The following CHEK1 variants were observed in gnomAD, a reference collection of about 807,000 sequenced individuals.
CHEK1 encodes the protein checkpoint kinase 1.
In CHEK1, 32 loss-of-function variants were observed where a neutral mutation model predicts 60.2. The ratio of observed to expected loss-of-function variants is 0.53; its 90% CI spans 0.40 to 0.71. CHEK1 has a LOEUF of 0.71. Ranked by LOEUF, CHEK1 falls within the 30% of genes least tolerant of loss-of-function variation. CHEK1 has a pLI of 0.00. For missense variants in CHEK1, 399 were observed against 564.6 expected (o/e 0.71, Z 2.97); for synonymous variants, 179 against 187.2 (o/e 0.96, Z 0.36).
At chr11:125,678,978 T>TTATTTATATATATATATATA (rs1555078665), downstream of CHEK1, among the ~76,000 whole-genome samples, 5 of 88,436 alleles carry the variant, frequency 5.7e-5, no homozygotes, top group Non-Finnish European at 4.5e-5. Flanking sequence ...TCTAGGCATA[T>TTATTTATATATATATATATA]TATATATATA....
At chr11:125,637,615 A>C (rs1565369682) in intron 8 of CHEK1, 71 bp downstream of exon 8, 1 of 1,037,186 alleles carries the variant, frequency 9.6e-7, no homozygotes, top group Non-Finnish European at 1.5e-6. Flanking sequence ...TTATTATCAC[A>C]AGTCAACAAC....
At chr11:125,658,450 T>C (rs1035848845), downstream of CHEK1, among the ~76,000 whole-genome samples, 6 of 152,222 alleles carry the variant, frequency 3.9e-5, no homozygotes, top group African/African-American at 1.4e-4. Context: ...CAGTTCTTCA[T>C]ATGTTCAGCA....
chr11:125,673,448 A>G (rs1380435173), intron 13 of CHEK1, among the ~76,000 whole-genome samples: 1 of 147,878 alleles, frequency 6.8e-6, no homozygotes, highest in African/African-American at 2.5e-5. Flanking sequence ...TGATCCGCCC[A>G]CCTCAGCCTC....
downstream of CHEK1, among the ~76,000 whole-genome samples, chr11:125,660,218 G>T (rs1941987245): frequency 6.6e-6 from 1 of 152,126 alleles, no homozygotes; most frequent in African/African-American, 2.4e-5. Flanking sequence ...AGAATTTTTT[G>T]ATAGTGATAG....
rs146008709 is a variant in CHEK1 at position 125,643,536 on chromosome 11, A to C, written c.815-256A>C. ...AGATTGTGGTCTGAGCATACTCCAC[A>C]CTTTGAACATGTCTACAGATCATAC... On this transcript the variant is annotated intron_variant, in intron 8 of 12. Coordinates refer to ENST00000438015, the MANE Select transcript of CHEK1 (RefSeq NM_001114122.3). 4.0e-4 allele frequency: 137 copies of C among 346,040 alleles called. 1 individual carries two copies. In the Middle Eastern group the frequency reaches 5.1e-3, roughly 13 times the overall value. 21.4% of individuals were successfully genotyped at this position (346,040 alleles called of 1,614,324 possible). A position where few individuals can be genotyped will look rare whatever the true frequency, so the allele number is the denominator to read the frequency against.
rs1410608616 is a variant in CHEK1, at chr11:125,629,274, TC to T, written c.334del (p.His112IlefsTer15). ...GMPEPDAQRFFHQLMAGVVYL... is the reference protein window; with the variant it reads ...GMPEPDAQRFXHQLMAGVVYL... ...CCTGAACCAGATGCTCAGAGATTCT[TC>T]CATCAACTCATGGCAGGGGTGGTAG... is the stretch of plus-strand genomic sequence containing the variant. On this transcript the variant is annotated frameshift_variant, in exon 4 of 13. Transcript: ENST00000438015. LOFTEE classifies it high-confidence loss of function. The T allele has an allele frequency of 6.2e-7, 1 of 1,614,188 alleles. No individual in the cohort carries two copies. Among genetic ancestry groups the T allele is most frequent in the East Asian group, 2.2e-5 (1 of 44,872 alleles).
chr11:125,660,652 A>G (rs1941994840), downstream of CHEK1, among the ~76,000 whole-genome samples: 1 of 152,150 alleles, frequency 6.6e-6, no homozygotes, highest in African/African-American at 2.4e-5. Context: ...CTTTATAGAT[A>G]TAATACTTTT....
intron 1 of CHEK1, chr11:125,626,271 G>A (rs1591388689): frequency 3.8e-6 from 2 of 522,166 alleles, no homozygotes; most frequent in East Asian, 6.1e-5. Flanking sequence ...TTCGCCTCTG[G>A]GGGCAGTTTG....
At chr11:125,674,577 C>T (rs529811737) in intron 13 of CHEK1, among the ~76,000 whole-genome samples, 1 of 152,244 alleles carries the variant, frequency 6.6e-6, no homozygotes, top group African/African-American at 2.4e-5. Context: ...TCAGTCACTC[C>T]TATTACCTTT....
chr11:125,678,297 C>T (rs138802175), downstream of CHEK1: 801 of 1,612,854 alleles, frequency 5.0e-4, 8 homozygotes, highest in East Asian at 0.015. Flanking sequence ...ACTTGATGTT[C>T]CTGGGATGGA....
chr11:125,630,968 G>A (rs1940839971), intron 5 of CHEK1, among the ~76,000 whole-genome samples: 1 of 152,266 alleles, frequency 6.6e-6, no homozygotes, highest in South Asian at 2.1e-4. Context: ...ATATAATGAT[G>A]TAGAGCAAAA....
In CHEK1 at chr11:125,633,351, G is replaced by T. The variant is rs778014033; in HGVS notation, c.613G>T (p.Glu205Ter). 2 of 1,527,564 alleles carry T rather than the reference G, an allele frequency of 1.3e-6. No homozygotes were observed. The highest frequency in any genetic ancestry group is 4.7e-5 in the Admixed American group (2 of 42,112). 94.6% of individuals were successfully genotyped at this position (1,527,564 alleles called of 1,614,324 possible). ...AGTACTTACTGCAATGCTCGCTGGA[G>T]GTAAGAGCTATTTAATCATGGTAAA... ...GIVLTAMLAG[E>*]LPWDQPSDSC... The change falls in exon 6 of 13, where the codon GAA becomes TAA. Residue 205 changes from glutamate to a stop codon, truncating the protein, a stop_gained and splice_region_variant. Transcript: ENST00000438015. LOFTEE classifies it high-confidence loss of function.
chr11:125,646,295 A>G (rs1324937912), intron 11 of CHEK1, among the ~76,000 whole-genome samples: 1 of 152,150 alleles, frequency 6.6e-6, no homozygotes, highest in Admixed American at 6.5e-5. Context: ...CATAGCATCT[A>G]TCAGTACTTT....
Position 125,627,757 on chromosome 11 carries a change from T to C in CHEK1, c.216T>C (p.Gly72=), listed in dbSNP as rs1940683425. ...LNHENVVKFY[G]HRREGNIQYL... ...ATGAAAATGTAGTAAAATTCTATGGTCACAGGAGAGAAGGCAATATCCAAT... is the reference window on the plus strand; with the variant it reads ...ATGAAAATGTAGTAAAATTCTATGGCCACAGGAGAGAAGGCAATATCCAAT... The change falls in exon 3 of 13, where the codon GGT becomes GGC. Residue 72 remains glycine, a synonymous_variant. Coordinates refer to ENST00000438015, the MANE Select transcript of CHEK1 (RefSeq NM_001114122.3). The C allele has an allele frequency of 6.2e-7, 1 of 1,613,390 alleles. No individual in the cohort carries two copies. Among genetic ancestry groups the C allele is most frequent in the African/African-American group, 1.3e-5 (1 of 74,922 alleles).
chr11:125,649,581 G>A (rs1474659786), intron 11 of CHEK1, among the ~76,000 whole-genome samples: 1 of 151,994 alleles, frequency 6.6e-6, no homozygotes, highest in East Asian at 1.9e-4. Context: ...TTAAAAATTA[G>A]TTGGGCGTTG....
intron 13 of CHEK1, among the ~76,000 whole-genome samples, chr11:125,669,006 TCTC>T (rs1438372342): frequency 6.6e-6 from 1 of 152,162 alleles, no homozygotes; most frequent in African/African-American, 2.4e-5. Flanking sequence ...GGTCCACTTA[TCTC>T]CTCATCCTTT....
chr11:125,645,823 T>C (rs1055048925), intron 11 of CHEK1, among the ~76,000 whole-genome samples: 1 of 152,206 alleles, frequency 6.6e-6, no homozygotes, highest in Non-Finnish European at 1.5e-5. Context: ...TATGGTTATT[T>C]ATTATACTCT....
chr11:125,633,281 A>G lies in CHEK1; in HGVS notation c.543A>G (p.Arg181=). The change falls in exon 6 of 13, where the codon AGA becomes AGG. Residue 181 remains arginine, a synonymous_variant. Coordinates refer to ENST00000438015, the MANE Select transcript of CHEK1 (RefSeq NM_001114122.3). The part of the protein sequence containing the change: ...LPYVAPELLK[R]REFHAEPVDV... ...ATGTTGCTCCAGAACTTCTGAAGAG[A>G]AGAGAATTTCATGCAGAACCAGTTG... is the stretch of plus-strand genomic sequence containing the variant. 3 of 1,607,064 alleles carry G rather than the reference A, an allele frequency of 1.9e-6. No homozygotes were observed. The highest frequency in any genetic ancestry group is 2.5e-6 in the Non-Finnish European group (3 of 1,178,100).
intron 13 of CHEK1, chr11:125,671,404 GGTATGA>G (rs1942200108): frequency 6.6e-6 from 1 of 152,020 alleles, no homozygotes; most frequent in African/African-American, 2.4e-5. Context: ...TTTATCTAGG[GGTATGA>G]GTATAAGTTC....
Sources: allele counts gnomAD v4.1 joint callset (sites outside exome capture counted in the v4.1 genomes callset), GRCh38; gene constraint gnomAD v4.1.1; transcripts MANE v1.5; gene names NCBI Gene and HGNC (gene_info 2026-07-23, HGNC 2026-07-21).